DAW1: variants seen among roughly 807,000 people sequenced by gnomAD.
The protein encoded by DAW1 is dynein assembly factor with WD repeats 1.
In DAW1, 47 loss-of-function variants were observed where a neutral mutation model predicts 56.5. The ratio of observed to expected loss-of-function variants is 0.83; its 90% CI spans 0.66 to 1.06. DAW1 has a LOEUF of 1.06. DAW1 is among the 50% of genes least tolerant of loss of function. DAW1 has a pLI of 0.00. For synonymous variants in DAW1, 190 were observed against 179.0 expected (o/e 1.06, Z -0.49); for missense variants, 505 against 499.3 (o/e 1.01, Z -0.11).
chr2:227,911,269 C>CGTGTATATATAT (rs1559312587), intron 10 of DAW1, among the ~76,000 whole-genome samples: 1 of 119,520 alleles, frequency 8.4e-6, no homozygotes, highest in Non-Finnish European at 1.7e-5. Context: ...TGTATATACA[C>CGTGTATATATAT]ATATACACGT....
chr2:227,875,708 C>G (rs1392921726), intron 1 of DAW1, among the ~76,000 whole-genome samples: 2 of 152,196 alleles, frequency 1.3e-5, no homozygotes, highest in Non-Finnish European at 2.9e-5. Flanking sequence ...CAGCCCCTTT[C>G]CCTGGTTTGT....
chr2:227,874,244 A>G (rs57187997), intron 1 of DAW1, among the ~76,000 whole-genome samples: 7,048 of 152,194 alleles, frequency 0.046, 596 homozygotes, highest in African/African-American at 0.16. Flanking sequence ...AAACTTGGGC[A>G]ATTTGTTTTA....
chr2:227,892,930 C>G (rs902677244), intron 4 of DAW1, among the ~76,000 whole-genome samples: 1 of 152,142 alleles, frequency 6.6e-6, no homozygotes, highest in Non-Finnish European at 1.5e-5. Context: ...ATTCACTATT[C>G]CTGTAGGAGA....
rs1224182317 is a variant in DAW1 at position 227,906,233 on chromosome 2, T to G, written c.756-3T>G. ...ACTAGTTTTAATTATTTTTGTGTTG[T>G]AGGAAGGTAAATATCTTAATTGGTC... On this transcript the variant is annotated splice_polypyrimidine_tract_variant and splice_region_variant and intron_variant, in intron 8 of 12. Coordinates refer to ENST00000309931, the MANE Select transcript of DAW1 (RefSeq NM_178821.3). 6.2e-7 allele frequency: 1 copy of G among 1,607,546 alleles called. No homozygotes were observed. The highest frequency in any genetic ancestry group is 1.3e-5 in the African/African-American group (1 of 74,814).
intron 1 of DAW1, among the ~76,000 whole-genome samples, 171 bp downstream of exon 1, chr2:227,871,900 T>C (rs763380099): frequency 2.0e-5 from 3 of 152,356 alleles, no homozygotes; most frequent in Non-Finnish European, 2.9e-5. Flanking sequence ...TGCTGGACTC[T>C]TCCTCAAAAC....
chr2:227,921,066 T>TG (rs1162939825), intron 11 of DAW1, among the ~76,000 whole-genome samples: 3 of 152,172 alleles, frequency 2.0e-5, no homozygotes, highest in Non-Finnish European at 2.9e-5. Flanking sequence ...ACCAGGGCCC[T>TG]GCATCTTTGC....
chr2:227,872,035 T>G (rs923392772), intron 1 of DAW1: 1 of 401,734 alleles, frequency 2.5e-6, no homozygotes, highest in East Asian at 3.9e-5. Flanking sequence ...TTTAAAGAAG[T>G]TCATAGTGCT....
intron 10 of DAW1, among the ~76,000 whole-genome samples, chr2:227,911,239 C>CATATACACGTGT (rs1187734950): frequency 1.9e-3 from 72 of 38,752 alleles, no homozygotes; most frequent in South Asian, 0.011. Flanking sequence ...TGTATATATA[C>CATATACACGTGT]ATATATACAT....
chr2:227,917,517 C>T (rs1691985815), intron 10 of DAW1, among the ~76,000 whole-genome samples: 1 of 152,160 alleles, frequency 6.6e-6, no homozygotes, highest in South Asian at 2.1e-4. Flanking sequence ...GCCTCGGCCT[C>T]CCAAAGTGCT....
At chr2:227,921,272 C>A in intron 11 of DAW1, 127 bp from the exon 12 acceptor site, 1 of 991,018 alleles carries the variant, frequency 1.0e-6, no homozygotes, top group Non-Finnish European at 1.4e-6. Context: ...AGAATAAATA[C>A]CAGACTAGGA....
At chr2:227,893,974 G>T (rs756740144) in intron 5 of DAW1, 57 bp downstream of exon 5, 1 of 1,470,520 alleles carries the variant, frequency 6.8e-7, no homozygotes, top group Non-Finnish European at 9.0e-7. Context: ...CCCTCCATCT[G>T]CTTGGGGAGA....
intron 10 of DAW1, among the ~76,000 whole-genome samples, chr2:227,913,958 A>G (rs1385674838): frequency 6.8e-6 from 1 of 147,824 alleles, no homozygotes; most frequent in Non-Finnish European, 1.5e-5. Flanking sequence ...CATCTATCTA[A>G]TCTATTGAGA....
chr2:227,921,538 A>AT lies in DAW1; in HGVS notation c.1191dup (p.Lys398Ter), dbSNP rs1480770399. 3 of 1,613,740 alleles carry AT rather than the reference A, an allele frequency of 1.9e-6. No homozygotes were observed. The highest frequency in any genetic ancestry group is 2.5e-6 in the Non-Finnish European group (3 of 1,179,920). The stretch of plus-strand genomic sequence containing the variant: ...GAAATCTTTTCATGTGCTTTCAACT[A>AT]TAAAGGCAACATAGTCATTACAGGT... On this transcript the variant is annotated frameshift_variant, in exon 12 of 13. Transcript: ENST00000309931. LOFTEE classifies it high-confidence loss of function.
At chr2:227,876,598 C>T (rs1168134728) in intron 1 of DAW1, 5 of 901,688 alleles carry the variant, frequency 5.5e-6, no homozygotes, top group African/African-American at 5.3e-5. Context: ...TTTGTTTTGC[C>T]TCCTAATCCT....
intron 10 of DAW1, among the ~76,000 whole-genome samples, chr2:227,908,714 C>T (rs1021291854): frequency 6.6e-6 from 1 of 152,200 alleles, no homozygotes; most frequent in African/African-American, 2.4e-5. Context: ...TATGTCTACA[C>T]CATATCCTTG....
At position 227,904,940 on chromosome 2, in the gene DAW1, C is replaced by A; in HGVS notation, c.660C>A (p.Ala220=). 3 of 1,612,640 alleles carry A rather than the reference C, an allele frequency of 1.9e-6. No individual in the cohort carries two copies. Among genetic ancestry groups the A allele is most frequent in the South Asian group, 1.1e-5 (1 of 90,888 alleles). The change falls in exon 8 of 13, where the codon GCC becomes GCA. Residue 220 remains alanine (A), a synonymous_variant. Transcript: ENST00000309931. The part of the protein sequence containing the change: ...EEVYTLRGHS[A]EIISLSFNTS... ...TGCTCTTTTTCTAGGGACATTCTGCCGAAATCATCTCCTTGTCATTTAACA... is the reference window on the plus strand; with the variant it reads ...TGCTCTTTTTCTAGGGACATTCTGCAGAAATCATCTCCTTGTCATTTAACA...
Position 227,893,902 on chromosome 2 carries a change from T to A in DAW1, c.425T>A (p.Phe142Tyr), listed in dbSNP as rs146676802. 4.5e-5 allele frequency: 72 copies of A among 1,609,790 alleles called. No individual in the cohort carries two copies. The African/African-American group carries it at 9.6e-4, about 22-fold the overall frequency. ...GHRNVVYAIA[F>Y]NNPYGDKIAT... is the part of the protein sequence containing the mutation. ...AGGAATGTGGTTTATGCCATAGCAT[T>A]CAACAATCCTTACGGGTGTGTTCAT... Residue 142 changes from phenylalanine to tyrosine, a missense_variant, in exon 5 of 13, where the codon TTC (phenylalanine) becomes TAC (tyrosine). Physicochemically the swap from Phe to Tyr is conservative, Grantham distance 22. Coordinates refer to ENST00000309931, the MANE Select transcript of DAW1 (RefSeq NM_178821.3).
chr2:227,877,825 C>T (rs1196977938), intron 1 of DAW1, among the ~76,000 whole-genome samples: 2 of 152,258 alleles, frequency 1.3e-5, no homozygotes, highest in Non-Finnish European at 2.9e-5. Context: ...TCACCTCCTG[C>T]TGTGTGGCCT....
intron 5 of DAW1, among the ~76,000 whole-genome samples, chr2:227,896,660 T>C (rs1269802290): frequency 2.0e-5 from 3 of 150,188 alleles, no homozygotes; most frequent in Non-Finnish European, 4.4e-5. Context: ...AAGGAAAAAC[T>C]TCAACCAATT....
Sources: gnomAD v4.1 joint callset for allele counts (sites outside exome capture counted in the v4.1 genomes callset) on GRCh38, gnomAD v4.1.1 for gene constraint, MANE v1.5 for transcripts, NCBI Gene and HGNC (gene_info 2026-07-23, HGNC 2026-07-21) for gene names.